Variants in ADK observed in about 807,000 individuals in gnomAD.
ADK encodes adenosine kinase.
A neutral mutation model predicts 44.7 loss-of-function variants in ADK; 24 were observed. The ratio of observed to expected loss-of-function variants is 0.54; its 90% confidence interval spans 0.39 to 0.76. ADK has a LOEUF of 0.76. Ranked by LOEUF, ADK falls within the 30% of genes least tolerant of loss-of-function variation. ADK has a pLI of 0.00. For missense variants in ADK, 321 were observed against 425.1 expected, an observed-to-expected ratio of 0.76 and a Z score of 2.15; for synonymous variants, 128 against 142.6, an observed-to-expected ratio of 0.90 and a Z score of 0.73.
intron 2 of ADK, among the ~76,000 whole-genome samples, chr10:74,217,306 G>A (rs536510221): frequency 1.6e-4 from 24 of 152,336 alleles, no homozygotes; most frequent in African/African-American, 2.9e-4. Context: ...AGGCGGCAGC[G>A]AGGCTGGGAG....
At chr10:74,430,241 T>G (rs1190883959) in intron 6 of ADK, among the ~76,000 whole-genome samples, 1 of 152,154 alleles carries the variant, frequency 6.6e-6, no homozygotes, top group Admixed American at 6.5e-5. Flanking sequence ...TTTACTCAGT[T>G]TCTCGAGGTA....
chr10:74,266,500 G>C (rs1284795911), intron 3 of ADK, among the ~76,000 whole-genome samples: 1 of 152,064 alleles, frequency 6.6e-6, no homozygotes. Flanking sequence ...AGGTTGCTGT[G>C]ATCGGAGATC....
At chr10:74,558,921 A>T (rs1167952304) in intron 7 of ADK, among the ~76,000 whole-genome samples, 1 of 152,172 alleles carries the variant, frequency 6.6e-6, no homozygotes, top group Non-Finnish European at 1.5e-5. Flanking sequence ...CTGTCTCAGG[A>T]AGACTTAGGA....
At position 74,265,570 on chromosome 10, in the gene ADK, A is replaced by G. The variant is rs750548710; in HGVS notation, c.194+40979A>G. Among the ~76,000 whole-genome samples, 6 of 152,002 alleles carry G rather than the reference A, an allele frequency of 3.9e-5. 1 individual carries two copies. The highest frequency in any genetic ancestry group is 8.8e-5 in the Non-Finnish European group (6 of 68,008). Reference sequence around the variant, plus strand: ...GTGAACAATAACATTTTTTTCTGTGATGATATTTGAGAAAAGCGCAACTTA... The same window carrying G: ...GTGAACAATAACATTTTTTTCTGTGGTGATATTTGAGAAAAGCGCAACTTA... On this transcript the variant is annotated intron_variant, in intron 3 of 10. Coordinates refer to ENST00000539909, the MANE Select transcript of ADK (RefSeq NM_006721.4).
chr10:74,469,024 C>A (rs1386608551), intron 6 of ADK, among the ~76,000 whole-genome samples: 1 of 151,656 alleles, frequency 6.6e-6, no homozygotes, highest in Non-Finnish European at 1.5e-5. Context: ...GACTTATGGT[C>A]AAAAATACAT....
intron 2 of ADK, 136 bp downstream of exon 2, chr10:74,200,974 A>AC: frequency 7.3e-6 from 5 of 683,774 alleles, no homozygotes; most frequent in Non-Finnish European, 1.3e-5. Flanking sequence ...TGGTGATAGC[A>AC]AGTGTGCTAT....
At position 74,394,333 on chromosome 10, in the gene ADK, AACCACTATACTAATTGGCT is replaced by A; in HGVS notation, c.446+22_446+40del. On this transcript the variant is annotated intron_variant, in intron 5 of 10. Coordinates refer to ENST00000539909, the MANE Select transcript of ADK (RefSeq NM_006721.4). ...CAACAGGTCAGTGTAATTCCAAGGGAACCACTATACTAATTGGCTATTTTAACACTGGTAAAATATGAAT... is the reference window on the plus strand; with the variant it reads ...CAACAGGTCAGTGTAATTCCAAGGGAATTTTAACACTGGTAAAATATGAAT... 2 of 1,611,774 alleles carry A rather than the reference AACCACTATACTAATTGGCT, an allele frequency of 1.2e-6. No homozygotes were observed. The highest frequency in any genetic ancestry group is 2.2e-5 in the South Asian group (2 of 91,030).
intron 3 of ADK, among the ~76,000 whole-genome samples, chr10:74,266,824 T>A (rs1846231917): frequency 6.6e-6 from 1 of 152,204 alleles, no homozygotes; most frequent in Non-Finnish European, 1.5e-5. Context: ...AAAAGATAAT[T>A]GAAATTTTCA....
At chr10:74,512,872 T>A (rs1848397940) in intron 6 of ADK, among the ~76,000 whole-genome samples, 1 of 152,040 alleles carries the variant, frequency 6.6e-6, no homozygotes, top group Non-Finnish European at 1.5e-5. Flanking sequence ...GAAATCTTTC[T>A]TGTTTTTTGA....
At chr10:74,339,649 G>A (rs1841521344) in intron 4 of ADK, among the ~76,000 whole-genome samples, 1 of 152,162 alleles carries the variant, frequency 6.6e-6, no homozygotes, top group Non-Finnish European at 1.5e-5. Context: ...TAATGAACAA[G>A]TTAATGGCCC....
intron 6 of ADK, among the ~76,000 whole-genome samples, chr10:74,443,639 C>T (rs117425333): frequency 0.013 from 2,005 of 152,058 alleles, 22 homozygotes; most frequent in Middle Eastern, 0.048. Context: ...TACACATCTC[C>T]GTCAATATAC....
At chr10:74,517,285 A>G (rs1241259861) in intron 6 of ADK, among the ~76,000 whole-genome samples, 1 of 152,136 alleles carries the variant, frequency 6.6e-6, no homozygotes, top group East Asian at 1.9e-4. Flanking sequence ...TTTCTACTAT[A>G]TCTTTTTCCT....
In ADK at chr10:74,162,521, TTGTGTGTGTGTG is replaced by T. The variant is rs10550667; in HGVS notation, c.65+11209_65+11220del. 1.7e-3 allele frequency among the ~76,000 whole-genome samples: 241 copies of T among 141,980 alleles called. 2 individuals carry two copies. Among genetic ancestry groups the T allele is most frequent in the Admixed American group, 4.4e-3 (62 of 14,180 alleles). 93.1% of individuals were successfully genotyped at this position (141,980 alleles called of 152,430 possible). On this transcript the variant is annotated intron_variant, in intron 1 of 10. Coordinates refer to ENST00000539909, the MANE Select transcript of ADK (RefSeq NM_006721.4). ...AAAGGTACTCCCGATTGCATTTCTT[TTGTGTGTGTGTG>T]TGTGTGTGTGTGTGTGTGTGTGTGT...
intron 7 of ADK, among the ~76,000 whole-genome samples, chr10:74,573,108 T>G (rs1851033812): frequency 6.6e-6 from 1 of 151,786 alleles, no homozygotes; most frequent in South Asian, 2.1e-4. Flanking sequence ...GTTTTTCTGC[T>G]CTGTTTTTTC....
intron 3 of ADK, among the ~76,000 whole-genome samples, chr10:74,296,500 C>T (rs903798692): frequency 6.6e-6 from 1 of 151,382 alleles, no homozygotes; most frequent in Admixed American, 6.6e-5. Flanking sequence ...GTAGTATGGG[C>T]AAAGTTATAG....
chr10:74,444,750 G>A (rs1845538161), intron 6 of ADK, among the ~76,000 whole-genome samples: 1 of 152,026 alleles, frequency 6.6e-6, no homozygotes, highest in South Asian at 2.1e-4. Context: ...GCATCTAGCA[G>A]TGAGTTCAGG....
At chr10:74,417,565 G>A (rs749785939) in intron 6 of ADK, among the ~76,000 whole-genome samples, 15 of 151,846 alleles carry the variant, frequency 9.9e-5, no homozygotes, top group Admixed American at 1.3e-4. Context: ...TGTACTCTTG[G>A]GTATTTTAAA....
At chr10:74,239,874 T>G (rs545580627) in intron 3 of ADK, among the ~76,000 whole-genome samples, 2 of 152,318 alleles carry the variant, frequency 1.3e-5, no homozygotes, top group African/African-American at 4.8e-5. Context: ...TTTAGTTATC[T>G]TTGAACCAGT....
intron 7 of ADK, among the ~76,000 whole-genome samples, chr10:74,578,907 G>C (rs1170490951): frequency 3.3e-5 from 5 of 152,012 alleles, no homozygotes; most frequent in Non-Finnish European, 7.4e-5. Flanking sequence ...AATGTAGCTG[G>C]ACATGGTGGC....
Sources: gnomAD v4.1 joint callset for allele counts (sites outside exome capture counted in the v4.1 genomes callset) on GRCh38, gnomAD v4.1.1 for gene constraint, MANE v1.5 for transcripts, NCBI Gene and HGNC (gene_info 2026-07-23, HGNC 2026-07-21) for gene names.